Variants in PATJ observed in about 807,000 individuals in gnomAD.
The protein encoded by PATJ is PATJ crumbs cell polarity complex component.
Under a neutral mutation model 224.9 loss-of-function variants are expected in PATJ, and 190 were observed. The ratio of observed to expected loss-of-function variants is 0.84; its 90% CI spans 0.75 to 0.95. The LOEUF (loss-of-function observed/expected upper bound fraction) is 0.95, where lower values mean the gene tolerates loss of function less well. Among genes scored for constraint, PATJ ranks in the 40% least tolerant of loss-of-function variants. The pLI is 0.00. For missense variants in PATJ, 2,121 were observed against 2,270.3 expected, an observed-to-expected ratio of 0.93 and a Z score of 1.34; for synonymous variants, 769 against 820.3, an observed-to-expected ratio of 0.94 and a Z score of 1.07.
chr1:61,831,935 C>T (rs951090517), intron 16 of PATJ, among the ~76,000 whole-genome samples: 16 of 152,118 alleles, frequency 1.1e-4, no homozygotes, highest in Admixed American at 3.3e-4. Context: ...TAATGCCCAT[C>T]AACAGTGGAC....
At chr1:62,151,053 C>A (rs980378999) in intron 42 of PATJ, among the ~76,000 whole-genome samples, 1 of 151,430 alleles carries the variant, frequency 6.6e-6, no homozygotes, top group South Asian at 2.1e-4. Flanking sequence ...GCAGGAGAAT[C>A]ACTTGAACCC....
chr1:61,915,942 G>T (rs749851748), intron 26 of PATJ, among the ~76,000 whole-genome samples: 2 of 152,014 alleles, frequency 1.3e-5, no homozygotes, highest in African/African-American at 2.4e-5. Context: ...TGATCCACCT[G>T]CCTCGGCCTC....
In PATJ at chr1:61,763,029, G is replaced by A. The variant is rs1341816508; in HGVS notation, c.39G>A (p.Leu13=). The part of the protein sequence containing the change: ...ENPATDKLQV[L]QVLDRLKMKL... ...TGACCCAAGATAAACTGCAGGTGCT[G>A]CAGGTACTTGATCGCCTGAAAATGA... Residue 13 remains leucine, a synonymous_variant, in exon 3 of 44, where the codon CTG becomes CTA. Coordinates refer to ENST00000642238, the MANE Select transcript of PATJ (RefSeq NM_001350145.3). 1.9e-6 allele frequency: 3 copies of A among 1,610,164 alleles called. No homozygotes were observed. Among genetic ancestry groups the A allele is most frequent in the South Asian group, 2.2e-5 (2 of 90,454 alleles).
intron 26 of PATJ, among the ~76,000 whole-genome samples, chr1:61,917,047 A>G (rs548787819): frequency 6.6e-6 from 1 of 152,352 alleles, no homozygotes; most frequent in East Asian, 1.9e-4. Context: ...TGAGGAGGTT[A>G]GGAATCGTGT....
chr1:61,943,711 G>C (rs956592274), intron 27 of PATJ, among the ~76,000 whole-genome samples: 1 of 152,212 alleles, frequency 6.6e-6, no homozygotes, highest in Admixed American at 6.5e-5. Flanking sequence ...TTAAACGTCC[G>C]TGTCTGACAG....
chr1:62,121,143 GT>G, intron 37 of PATJ, 37 bp from the exon 38 acceptor site: 1 of 1,316,088 alleles, frequency 7.6e-7, no homozygotes, highest in Non-Finnish European at 1.1e-6. Context: ...GGTCAAGTCA[GT>G]GTCTGCACAC....
chr1:61,851,405 C>T (rs988499707), intron 17 of PATJ, among the ~76,000 whole-genome samples: 1 of 152,006 alleles, frequency 6.6e-6, no homozygotes, highest in Non-Finnish European at 1.5e-5. Flanking sequence ...GGCAGTGGGT[C>T]AGGGAGGGCG....
At chr1:61,976,819 T>C (rs1007754372) in intron 27 of PATJ, among the ~76,000 whole-genome samples, 8 of 152,110 alleles carry the variant, frequency 5.3e-5, no homozygotes, top group African/African-American at 1.9e-4. Context: ...AAGATTTTAC[T>C]ATACTCGTTT....
At chr1:61,845,938 A>G (rs1389825796) in intron 17 of PATJ, 2 of 152,200 alleles carry the variant, frequency 1.3e-5, no homozygotes, top group Non-Finnish European at 2.9e-5. Flanking sequence ...CTGTGTTTTC[A>G]TATTTTAATA....
chr1:61,946,513 C>A (rs898977976), intron 27 of PATJ, among the ~76,000 whole-genome samples: 6 of 152,112 alleles, frequency 3.9e-5, no homozygotes, highest in African/African-American at 1.4e-4. Context: ...CAAGACTAAA[C>A]CAGGAAGAAG....
intron 33 of PATJ, among the ~76,000 whole-genome samples, chr1:62,100,778 C>T (rs1226749392): frequency 6.6e-6 from 1 of 152,198 alleles, no homozygotes; most frequent in East Asian, 1.9e-4. Context: ...TTGGAAGCAG[C>T]CTCTGTCCTG....
intron 27 of PATJ, among the ~76,000 whole-genome samples, chr1:61,973,230 CAA>C (rs1220453393): frequency 6.6e-6 from 1 of 151,988 alleles, no homozygotes; most frequent in African/African-American, 2.4e-5. Flanking sequence ...ATTGAGCTGA[CAA>C]GAGAGTGGGG....
chr1:61,765,502 GCCTCCCAAGTA>G (rs1448168951), intron 3 of PATJ, among the ~76,000 whole-genome samples: 2 of 151,824 alleles, frequency 1.3e-5, no homozygotes, highest in African/African-American at 4.8e-5. Flanking sequence ...TCTTGCCTCA[GCCTCCCAAGTA>G]CCTTGGAATT....
chr1:61,743,654 G>A (rs573574673), intron 1 of PATJ, among the ~76,000 whole-genome samples: 30 of 152,286 alleles, frequency 2.0e-4, no homozygotes, highest in Non-Finnish European at 2.2e-4. Context: ...GTGGAGGCAG[G>A]GGCAGCGGTT....
intron 41 of PATJ, among the ~76,000 whole-genome samples, chr1:62,136,829 C>CAA (rs911814894): frequency 5.3e-5 from 8 of 152,004 alleles, no homozygotes; most frequent in South Asian, 2.1e-4. Flanking sequence ...CTCAGCCTCC[C>CAA]AAAGTGCTGG....
At chr1:62,075,332 G>A (rs1658108668) in intron 31 of PATJ, among the ~76,000 whole-genome samples, 1 of 152,170 alleles carries the variant, frequency 6.6e-6, no homozygotes, top group Admixed American at 6.5e-5. Context: ...GAAGCTGGCT[G>A]ATCATTTATT....
rs1669190162 is a variant in PATJ at position 61,888,553 on chromosome 1, T to C, written c.3131+4145T>C. 2.6e-5 allele frequency among the ~76,000 whole-genome samples: 4 copies of C among 152,138 alleles called. No homozygotes were observed. In the South Asian group the frequency reaches 8.3e-4, roughly 31 times the overall value. ...ATCTGCCTGCCTCAGCCTCCCAAAG[T>C]GTTCAAATTATTTTTCCATTGTTTT... On this transcript the variant is annotated intron_variant, in intron 22 of 43. Transcript: ENST00000642238.
intron 27 of PATJ, among the ~76,000 whole-genome samples, chr1:61,971,554 C>T (rs1356665642): frequency 6.6e-6 from 1 of 152,032 alleles, no homozygotes; most frequent in Non-Finnish European, 1.5e-5. Context: ...GTCGAGGCTG[C>T]AATGAGCATG....
At chr1:62,132,165 C>T (rs2148959053) in intron 41 of PATJ, among the ~76,000 whole-genome samples, 1 of 152,198 alleles carries the variant, frequency 6.6e-6, no homozygotes, top group East Asian at 1.9e-4. Flanking sequence ...TTATTAGTAG[C>T]ATGGGGATTT....
Sources: allele counts gnomAD v4.1 joint callset (sites outside exome capture counted in the v4.1 genomes callset), GRCh38; gene constraint gnomAD v4.1.1; transcripts MANE v1.5; gene names NCBI Gene and HGNC (gene_info 2026-07-23, HGNC 2026-07-21).